The following HMGXB3 variants were observed in gnomAD, a reference collection of about 807,000 sequenced individuals.
HMGXB3 encodes the protein HMG-box containing 3.
In HMGXB3, 45 loss-of-function variants were observed where a neutral mutation model predicts 121.5. The ratio of observed to expected loss-of-function variants is 0.37; its 90% confidence interval spans 0.29 to 0.47. The LOEUF (loss-of-function observed/expected upper bound fraction) is 0.47, where lower values mean the gene tolerates loss of function less well. Among genes scored for constraint, HMGXB3 ranks in the 20% least tolerant of loss-of-function variants. The pLI is 0.99. For missense variants in HMGXB3, 1,376 were observed against 1,602.2 expected (o/e 0.86, Z 2.41); for synonymous variants, 590 against 624.1 (o/e 0.95, Z 0.81).
intron 13 of HMGXB3, among the ~76,000 whole-genome samples, chr5:150,039,714 G>A (rs1756581758): frequency 6.6e-6 from 1 of 151,974 alleles, no homozygotes; most frequent in Non-Finnish European, 1.5e-5. Context: ...TGTGATATCA[G>A]TTGTCTTTTA....
intron 6 of HMGXB3, chr5:150,021,695 C>G (rs1756097619): frequency 1.9e-6 from 1 of 515,028 alleles, no homozygotes. Context: ...TGGAAACATT[C>G]CTATGTCTTA....
intron 10 of HMGXB3, 48 bp downstream of exon 10, chr5:150,030,887 A>C: frequency 7.0e-7 from 1 of 1,429,322 alleles, no homozygotes; most frequent in Non-Finnish European, 9.6e-7. Flanking sequence ...GGTTGTTTTG[A>C]TTTTGTGGTT....
chr5:150,048,448 C>T (rs1333362813), intron 17 of HMGXB3, 121 bp from the exon 18 acceptor site: 36 of 729,020 alleles, frequency 4.9e-5, no homozygotes, highest in Non-Finnish European at 7.8e-5. Context: ...CTCCAAGGCC[C>T]GCTCTGACCC....
chr5:150,032,155 T>C (rs530319472), intron 10 of HMGXB3, among the ~76,000 whole-genome samples: 1 of 152,380 alleles, frequency 6.6e-6, no homozygotes, highest in South Asian at 2.1e-4. Context: ...TAAACAGACC[T>C]GCTTTACTCC....
intron 11 of HMGXB3, among the ~76,000 whole-genome samples, chr5:150,035,398 G>T (rs1243790555): frequency 6.6e-6 from 1 of 152,120 alleles, no homozygotes; most frequent in Non-Finnish European, 1.5e-5. Flanking sequence ...ACTCATGAGG[G>T]ATCTGCCCCC....
At chr5:150,022,805 C>T (rs2113739557) in intron 6 of HMGXB3, among the ~76,000 whole-genome samples, 1 of 145,366 alleles carries the variant, frequency 6.9e-6, no homozygotes, top group East Asian at 2.0e-4. Context: ...AAGAGGTCAC[C>T]TGTTACTGGC....
rs1756701588 is a variant in HMGXB3 at position 150,044,192 on chromosome 5, G to C, written c.2731-1274G>C. ...GGTATGTGTGGGGAGAGAGTATCCT[G>C]AAGTCTGTGAACTAAAACAGGAAGT... On this transcript the variant is annotated intron_variant, in intron 15 of 19. Coordinates refer to ENST00000502717, the MANE Select transcript of HMGXB3 (RefSeq NM_014983.3). Among the ~76,000 whole-genome samples, 7 of 152,054 alleles carry C rather than the reference G, an allele frequency of 4.6e-5. No individual in the cohort carries two copies. In the South Asian group the frequency reaches 1.5e-3, roughly 32 times the overall value.
chr5:150,036,976 C>T (rs1756515534), intron 12 of HMGXB3, 39 bp downstream of exon 12: 1 of 1,484,592 alleles, frequency 6.7e-7, no homozygotes, highest in Admixed American at 2.1e-5. Context: ...TACCCCATCC[C>T]ATTTGGCTCA....
At chr5:150,039,427 T>C (rs1157801768) in intron 13 of HMGXB3, among the ~76,000 whole-genome samples, 1 of 152,212 alleles carries the variant, frequency 6.6e-6, no homozygotes, top group African/African-American at 2.4e-5. Flanking sequence ...ATTGCTAGTA[T>C]AGAAGTATAA....
intron 11 of HMGXB3, among the ~76,000 whole-genome samples, chr5:150,033,683 G>A (rs1178115239): frequency 2.0e-5 from 3 of 152,064 alleles, no homozygotes; most frequent in East Asian, 1.9e-4. Context: ...TCCTTGAGCC[G>A]GGGAGAGGCC....
In HMGXB3 at chr5:150,009,641, T is replaced by C. The variant is rs146283690; in HGVS notation, c.313-470T>C. Among the ~76,000 whole-genome samples, 986 of 152,344 alleles carry C rather than the reference T, an allele frequency of 6.5e-3. 14 individuals are homozygous for C. Among genetic ancestry groups the C allele is most frequent in the Middle Eastern group, 0.014 (4 of 294 alleles). On this transcript the variant is annotated intron_variant, in intron 3 of 19. Coordinates refer to ENST00000502717, the MANE Select transcript of HMGXB3 (RefSeq NM_014983.3). Reference sequence around the variant, plus strand: ...TTGTATTTTATGCTTTTTGGGTTTTTATTGAGCGTTATACATTCTAATGTT... The same window carrying C: ...TTGTATTTTATGCTTTTTGGGTTTTCATTGAGCGTTATACATTCTAATGTT...
intron 3 of HMGXB3, among the ~76,000 whole-genome samples, chr5:150,007,106 T>C (rs1271973304): frequency 2.0e-5 from 3 of 152,246 alleles, no homozygotes; most frequent in African/African-American, 7.2e-5. Context: ...GCTTGTGTAA[T>C]ACAGTACCAC....
Position 150,026,875 on chromosome 5 carries a change from C to T in HMGXB3, c.1630C>T (p.Leu544=), listed in dbSNP as rs1756244023. The change falls in exon 8 of 20, where the codon CTG becomes TTG. Residue 544 remains leucine, a synonymous_variant. Coordinates refer to ENST00000502717, the MANE Select transcript of HMGXB3 (RefSeq NM_014983.3). The part of the protein sequence containing the change: ...GLPRARQAFS[L]SDKTPSVRTC... ...GCCCAGGGCCAGGCAGGCCTTTTCC[C>T]TGAGTGGTAAGGGCTGGGACATACC... 1.3e-6 allele frequency: 2 copies of T among 1,509,824 alleles called. No homozygotes were observed. The allele number at this position is 1,509,824 out of a possible 1,614,324, so 93.5% of individuals were successfully genotyped here.
chr5:150,012,917 A>T (rs75336373), intron 5 of HMGXB3, among the ~76,000 whole-genome samples: 1 of 152,258 alleles, frequency 6.6e-6, no homozygotes, highest in Admixed American at 6.5e-5. Flanking sequence ...ATATCGTAAT[A>T]CAATTGATTG....
Position 150,010,607 on chromosome 5 carries a change from G to C in HMGXB3, c.809G>C (p.Arg270Thr), listed in dbSNP as rs1405515070. 2 of 1,548,830 alleles carry C rather than the reference G, an allele frequency of 1.3e-6. No individual in the cohort carries two copies. The highest frequency in any genetic ancestry group is 1.7e-6 in the Non-Finnish European group (2 of 1,145,610). Residue 270 changes from arginine to threonine, a missense_variant and splice_region_variant, in exon 4 of 20, where the codon AGG becomes ACG. This residue lies in a region of HMGXB3 where 1,116 missense variants were observed against 1,369.0 expected (regional missense o/e 0.82). Transcript: ENST00000502717. ...AGTGTATCAGTGGTAACAGTCATGA[G>C]GGTAAGTGGCTTTGGTACTGAAGTC... ...GESVSVVTVM[R>T]DSSESSSSAP... is the part of the protein sequence containing the mutation.
At chr5:150,051,668 A>T in intron 19 of HMGXB3, 57 bp from the exon 20 acceptor site, 1 of 1,342,816 alleles carries the variant, frequency 7.4e-7, no homozygotes, top group Admixed American at 2.2e-5. Flanking sequence ...TCGTCACCAG[A>T]TGGGTTCCAC....
At chr5:150,024,790 C>A (rs774972891) in intron 7 of HMGXB3, 110 bp downstream of exon 7, 24 of 947,020 alleles carry the variant, frequency 2.5e-5, no homozygotes, top group Non-Finnish European at 3.3e-5. Context: ...GGCAATGGTT[C>A]CTGTTTTAGA....
chr5:150,013,714 CTT>C, intron 5 of HMGXB3, among the ~76,000 whole-genome samples: 1 of 152,316 alleles, frequency 6.6e-6, no homozygotes, highest in Middle Eastern at 3.4e-3. Context: ...CAGACTGTCT[CTT>C]TGAGTGAGCA....
At chr5:150,028,854 A>G (rs1182930060) in intron 9 of HMGXB3, among the ~76,000 whole-genome samples, 2 of 151,964 alleles carry the variant, frequency 1.3e-5, no homozygotes, top group African/African-American at 2.4e-5. Context: ...GATTACAGGC[A>G]TTAGCCACCT....
Sources: gnomAD v4.1 joint callset for allele counts (sites outside exome capture counted in the v4.1 genomes callset) on GRCh38, gnomAD v4.1.1 for gene constraint, gnomAD v4.1.1 regional missense constraint, MANE v1.5 for transcripts, NCBI Gene and HGNC (gene_info 2026-07-23, HGNC 2026-07-21) for gene names.